Variants in FHIT observed in about 807,000 individuals in gnomAD.
The protein encoded by FHIT is bis(5'-adenosyl)-triphosphatase.
FHIT carries 19 observed loss-of-function variants against 17.9 expected under a neutral mutation model. The ratio of observed to expected loss-of-function variants is 1.06; its 90% CI spans 0.74 to 1.56. The LOEUF (loss-of-function observed/expected upper bound fraction) is 1.56. Among genes scored for constraint, FHIT ranks in the 40% most tolerant of loss-of-function variants. FHIT has a pLI of 0.00. For synonymous variants in FHIT, 81 were observed against 69.7 expected (o/e 1.16, Z -0.81); for missense variants, 248 against 189.2 (o/e 1.31, Z -1.82).
chr3:60,013,257 G>A (rs1700210324), intron 6 of FHIT, among the ~76,000 whole-genome samples: 1 of 152,170 alleles, frequency 6.6e-6, no homozygotes, highest in Admixed American at 6.5e-5. Flanking sequence ...CTAACAGGCT[G>A]AGTACAGAGT....
At chr3:60,329,045 C>T (rs1010551436) in intron 5 of FHIT, among the ~76,000 whole-genome samples, 2 of 152,170 alleles carry the variant, frequency 1.3e-5, no homozygotes, top group African/African-American at 4.8e-5. Context: ...AAATTACTGT[C>T]CCTTAGCAAA....
chr3:61,073,637 A>C (rs1239540469), intron 2 of FHIT, among the ~76,000 whole-genome samples: 1 of 152,206 alleles, frequency 6.6e-6, no homozygotes, highest in Admixed American at 6.5e-5. Flanking sequence ...TGAGTATTCA[A>C]GCTTTAGGAG....
intron 5 of FHIT, among the ~76,000 whole-genome samples, chr3:60,489,551 A>G (rs1221676318): frequency 6.6e-6 from 1 of 152,160 alleles, no homozygotes; most frequent in Non-Finnish European, 1.5e-5. Context: ...CATTAAAGCC[A>G]CCTGTGCTCA....
intron 2 of FHIT, among the ~76,000 whole-genome samples, chr3:61,088,819 T>A (rs1220619508): frequency 2.0e-5 from 3 of 151,978 alleles, no homozygotes; most frequent in Admixed American, 1.3e-4. Context: ...CATTATCTTA[T>A]GCTGTTGTAC....
chr3:60,379,700 T>A (rs958984375), intron 5 of FHIT, among the ~76,000 whole-genome samples: 1 of 152,196 alleles, frequency 6.6e-6, no homozygotes, highest in African/African-American at 2.4e-5. Flanking sequence ...CTCCTATTTA[T>A]TGTCACAATA....
At chr3:59,795,235 A>C (rs1699730133) in intron 8 of FHIT, among the ~76,000 whole-genome samples, 2 of 151,956 alleles carry the variant, frequency 1.3e-5, no homozygotes, top group South Asian at 4.2e-4. Context: ...AAAATATAAA[A>C]ATTAGCTGGC....
At chr3:59,750,040 A>T (rs978926634) in intron 9 of FHIT, 9 of 224,434 alleles carry the variant, frequency 4.0e-5, no homozygotes, top group African/African-American at 8.9e-5. Flanking sequence ...ATCCACAGGT[A>T]CTGTGGCAAT....
chr3:60,713,961 C>T (rs1319852957), intron 4 of FHIT, among the ~76,000 whole-genome samples: 1 of 151,786 alleles, frequency 6.6e-6, no homozygotes, highest in African/African-American at 2.4e-5. Flanking sequence ...GATACCAAAG[C>T]CTGGCAGAGA....
intron 3 of FHIT, among the ~76,000 whole-genome samples, chr3:60,851,523 C>A (rs1703154414): frequency 6.6e-6 from 1 of 152,058 alleles, no homozygotes; most frequent in Non-Finnish European, 1.5e-5. Flanking sequence ...AACAGAATGA[C>A]CTATATTATT....
chr3:60,227,990 C>G (rs997534835), intron 5 of FHIT, among the ~76,000 whole-genome samples: 13 of 152,058 alleles, frequency 8.5e-5, no homozygotes, highest in African/African-American at 3.1e-4. Context: ...AGAGGGAGAC[C>G]TATTAGGTTT....
intron 7 of FHIT, among the ~76,000 whole-genome samples, chr3:60,001,631 T>C (rs1229488592): frequency 2.6e-5 from 4 of 152,142 alleles, no homozygotes; most frequent in Non-Finnish European, 5.9e-5. Context: ...ACTTAAATGC[T>C]ACAGGGGTGA....
chr3:60,021,660 T>A (rs1023864070), intron 5 of FHIT, among the ~76,000 whole-genome samples: 3 of 152,214 alleles, frequency 2.0e-5, no homozygotes, highest in Admixed American at 6.5e-5. Context: ...CACCTCCCAA[T>A]GTCCAGATTC....
At chr3:60,175,652 T>C (rs991018383) in intron 5 of FHIT, among the ~76,000 whole-genome samples, 8 of 152,176 alleles carry the variant, frequency 5.3e-5, no homozygotes, top group Non-Finnish European at 1.0e-4. Flanking sequence ...TTTATACACA[T>C]ATTCTACAAT....
chr3:60,468,349 G>A (rs761615248), intron 5 of FHIT, among the ~76,000 whole-genome samples: 31 of 151,972 alleles, frequency 2.0e-4, no homozygotes, highest in Non-Finnish European at 3.5e-4. Context: ...TTGTTTTCTG[G>A]TTGTTTTGTA....
At chr3:61,102,014 A>G (rs2035847203) in intron 2 of FHIT, among the ~76,000 whole-genome samples, 1 of 152,100 alleles carries the variant, frequency 6.6e-6, no homozygotes, top group African/African-American at 2.4e-5. Flanking sequence ...GGACAACTGG[A>G]CTTCCTCATT....
At chr3:59,756,237 A>AAAAGTTATGATCAGAATT (rs1701212096) in intron 8 of FHIT, among the ~76,000 whole-genome samples, 1 of 152,206 alleles carries the variant, frequency 6.6e-6, no homozygotes, top group Admixed American at 6.5e-5. Flanking sequence ...TAGAAGGATT[A>AAAAGTTATGATCAGAATT]AAAGTTATGA....
intron 5 of FHIT, among the ~76,000 whole-genome samples, chr3:60,418,372 G>GTATATA (rs1702329878): frequency 1.9e-4 from 1 of 5,324 alleles, no homozygotes; most frequent in African/African-American, 2.1e-4. Context: ...GTATCTGAAT[G>GTATATA]TGTGTATATA....
chr3:60,116,821 T>A (rs1704982871), intron 5 of FHIT, among the ~76,000 whole-genome samples: 1 of 151,208 alleles, frequency 6.6e-6, no homozygotes, highest in South Asian at 2.1e-4. Context: ...CTGCCATAGG[T>A]GATGTTGATA....
rs892785705 is a variant in FHIT at position 60,523,205 on chromosome 3, C to G, written c.103+13655G>C. Among the ~76,000 whole-genome samples, 3 of 152,258 alleles carry G rather than the reference C, an allele frequency of 2.0e-5. No individual in the cohort carries two copies. In the South Asian group the frequency reaches 6.2e-4, roughly 32 times the overall value. ...TCAATATGAGATTTGGGTGGGCACA[C>G]AGCCAAACCATATCACTATCTCTAG... is the stretch of plus-strand genomic sequence containing the variant. On this transcript the variant is annotated intron_variant, in intron 5 of 9. Transcript: ENST00000492590.
Sources: gnomAD v4.1 joint callset for allele counts (sites outside exome capture counted in the v4.1 genomes callset) on GRCh38, gnomAD v4.1.1 for gene constraint, MANE v1.5 for transcripts, NCBI Gene and HGNC (gene_info 2026-07-23, HGNC 2026-07-21) for gene names.